ATG7: variants seen among roughly 807,000 people sequenced by gnomAD.
The protein encoded by ATG7 is autophagy related 7.
ATG7 carries 70 observed loss-of-function variants against 82.4 expected under a neutral mutation model. The ratio of observed to expected loss-of-function variants is 0.85; its 90% CI spans 0.70 to 1.04. The LOEUF is 1.04. Ranked by LOEUF, ATG7 falls within the 50% of genes least tolerant of loss-of-function variation. The pLI, the probability that ATG7 is intolerant of heterozygous loss-of-function variation, is 0.00. For missense variants in ATG7, 792 were observed against 864.3 expected (o/e 0.92, Z 1.05); for synonymous variants, 287 against 313.0 (o/e 0.92, Z 0.88).
At chr3:11,430,061 A>C (rs1279458072) in intron 20 of ATG7, among the ~76,000 whole-genome samples, 1 of 151,884 alleles carries the variant, frequency 6.6e-6, no homozygotes, top group African/African-American at 2.4e-5. Context: ...TCCTGCCCAG[A>C]GATATTCTTT....
At chr3:11,495,187 G>A (rs59507399) in intron 20 of ATG7, among the ~76,000 whole-genome samples, 1,725 of 152,278 alleles carry the variant, frequency 0.011, 31 homozygotes, top group African/African-American at 0.039. Context: ...GGCTCAGTTG[G>A]GTACGTGGCT....
chr3:11,488,138 C>T (rs1338053775), intron 20 of ATG7, among the ~76,000 whole-genome samples: 4 of 39,706 alleles, frequency 1.0e-4, no homozygotes, highest in African/African-American at 4.8e-4. Flanking sequence ...GGCGGCCGGG[C>T]GGAGACGCTC....
At chr3:11,280,966 C>G (rs1361778153) in intron 1 of ATG7, 28 bp from the exon 2 acceptor site, 1 of 152,084 alleles carries the variant, frequency 6.6e-6, no homozygotes, top group Non-Finnish European at 1.5e-5. Flanking sequence ...ATTATTTTAC[C>G]AGTTCTTAAT....
At chr3:11,444,741 C>T (rs2084352195) in intron 20 of ATG7, among the ~76,000 whole-genome samples, 1 of 152,114 alleles carries the variant, frequency 6.6e-6, no homozygotes, top group Non-Finnish European at 1.5e-5. Context: ...AACTAAAGAG[C>T]TTCTGCACAG....
At chr3:11,573,165 CAAGA>C in the ATG7 span, among the ~76,000 whole-genome samples, 5 of 148,662 alleles carry the variant, frequency 3.4e-5, no homozygotes, top group African/African-American at 7.5e-5. Context: ...GACTCCGTCT[CAAGA>C]AAGAAAGACA....
rs143724311 is a variant in ATG7 at position 11,371,958 on chromosome 3, A to G, written c.1875+7224A>G. On this transcript the variant is annotated intron_variant, in intron 18 of 20. Transcript: ENST00000693202. ...CGGACCACACGCTGTCCAGCTGGGA[A>G]CAGCCCGGGAGCGAGGCCAAACAAC... 9.3e-4 allele frequency among the ~76,000 whole-genome samples: 141 copies of G among 151,460 alleles called. 4 individuals are homozygous for G. The highest frequency in any genetic ancestry group is 3.4e-3 in the South Asian group (16 of 4,772).
chr3:11,485,082 T>C (rs969445523), intron 20 of ATG7, among the ~76,000 whole-genome samples: 1 of 152,194 alleles, frequency 6.6e-6, no homozygotes, highest in Non-Finnish European at 1.5e-5. Flanking sequence ...CTGGGTCAAA[T>C]GGTATTTCTA....
the ATG7 span, among the ~76,000 whole-genome samples, chr3:11,575,786 AG>A: frequency 6.6e-6 from 1 of 152,256 alleles, no homozygotes; most frequent in Non-Finnish European, 1.5e-5. Flanking sequence ...CAGAGCAAAC[AG>A]GTTCTGAGTG....
At chr3:11,564,335 A>G in the ATG7 span, among the ~76,000 whole-genome samples, 2 of 152,032 alleles carry the variant, frequency 1.3e-5, no homozygotes. Context: ...ACTGTGCAGG[A>G]CCCCAGCCCA....
rs751368135 is a variant in ATG7 at position 11,348,021 on chromosome 3, A to G, written c.1270A>G (p.Ile424Val). ...ALAAADRLQK[I>V]FPGVNARGFN... Reference sequence around the variant, plus strand: ...GGCAGCAGCGGACCGGCTCCAGAAAATATTCCCCGGTGTGGTATGTTGTTG... The same window carrying G: ...GGCAGCAGCGGACCGGCTCCAGAAAGTATTCCCCGGTGTGGTATGTTGTTG... Residue 424 changes from isoleucine (I) to valine (V), a missense_variant, in exon 14 of 21, where the codon ATA becomes GTA. Physicochemically the swap from Ile to Val is conservative, Grantham distance 29 (BLOSUM62 3). Coordinates refer to ENST00000693202, the MANE Select transcript of ATG7 (RefSeq NM_001349232.2). 2 of 1,613,786 alleles carry G rather than the reference A, an allele frequency of 1.2e-6. No homozygotes were observed. Among genetic ancestry groups the G allele is most frequent in the Non-Finnish European group, 1.7e-6 (2 of 1,179,768 alleles).
At chr3:11,563,461 C>T in the ATG7 span, among the ~76,000 whole-genome samples, 1 of 152,226 alleles carries the variant, frequency 6.6e-6, no homozygotes, top group Non-Finnish European at 1.5e-5. Context: ...CTGCTGCTGC[C>T]CAACAGCACA....
the ATG7 span, chr3:11,564,876 A>AGGGGCTGCTCCAGGC: frequency 6.2e-7 from 1 of 1,609,226 alleles, no homozygotes; most frequent in African/African-American, 1.3e-5. Context: ...GGTCAGTGCG[A>AGGGGCTGCTCCAGGC]GGGGCTGCTC....
intron 20 of ATG7, among the ~76,000 whole-genome samples, chr3:11,505,917 C>T (rs1388083276): frequency 1.3e-5 from 2 of 152,192 alleles, no homozygotes; most frequent in African/African-American, 4.8e-5. Context: ...CCCCTGGCTC[C>T]ACCATCTTCA....
intron 20 of ATG7, among the ~76,000 whole-genome samples, chr3:11,493,616 A>G (rs2090579542): frequency 6.6e-6 from 1 of 152,168 alleles, no homozygotes; most frequent in Non-Finnish European, 1.5e-5. Context: ...AACCAGGATG[A>G]GTAGTAAAAT....
At chr3:11,362,687 G>A (rs2076358203) in intron 16 of ATG7, 126 bp from the exon 17 acceptor site, 2 of 679,964 alleles carry the variant, frequency 2.9e-6, no homozygotes, top group African/African-American at 3.7e-5. Context: ...GAGGCTGGAT[G>A]TTCTTTGCCA....
At chr3:11,491,328 C>A (rs1161180229) in intron 20 of ATG7, among the ~76,000 whole-genome samples, 2 of 152,164 alleles carry the variant, frequency 1.3e-5, no homozygotes, top group African/African-American at 4.8e-5. Flanking sequence ...TCCATCAGCT[C>A]CTTTAAGCAC....
intron 20 of ATG7, among the ~76,000 whole-genome samples, chr3:11,492,552 C>T (rs921237626): frequency 2.6e-5 from 4 of 152,216 alleles, no homozygotes; most frequent in East Asian, 1.9e-4. Flanking sequence ...CCTGTTTACT[C>T]AGTCCGTTGT....
At chr3:11,386,941 A>G (rs1000102977) in intron 19 of ATG7, among the ~76,000 whole-genome samples, 5 of 152,066 alleles carry the variant, frequency 3.3e-5, no homozygotes, top group Non-Finnish European at 7.4e-5. Context: ...GCCTTGAAAA[A>G]CCTTGGACAT....
chr3:11,332,191 A>C (rs1369676445), intron 10 of ATG7, among the ~76,000 whole-genome samples: 1 of 50 alleles, frequency 0.02, no homozygotes, highest in African/African-American at 0.083. Context: ...ATGAAATGTC[A>C]TATACAATGA....
Sources: gnomAD v4.1 joint callset for allele counts (sites outside exome capture counted in the v4.1 genomes callset) on GRCh38, gnomAD v4.1.1 for gene constraint, MANE v1.5 for transcripts, NCBI Gene and HGNC (gene_info 2026-07-23, HGNC 2026-07-21) for gene names.